Variants in UBQLN1 observed in about 807,000 individuals in gnomAD.
UBQLN1 encodes ubiquilin-1.
UBQLN1 carries 13 observed loss-of-function variants against 65.4 expected under a neutral mutation model. That is an observed-to-expected ratio of 0.20 (90% CI 0.13 to 0.32). The LOEUF (loss-of-function observed/expected upper bound fraction) is 0.32. Ranked by LOEUF, UBQLN1 falls within the 10% of genes least tolerant of loss-of-function variation. UBQLN1 has a pLI of 1.00. For missense variants in UBQLN1, 561 were observed against 724.0 expected, an observed-to-expected ratio of 0.77 and a Z score of 2.58; for synonymous variants, 267 against 247.8, an observed-to-expected ratio of 1.08 and a Z score of -0.73.
At chr9:83,693,784 G>C (rs954624406) in intron 1 of UBQLN1, among the ~76,000 whole-genome samples, 1 of 152,164 alleles carries the variant, frequency 6.6e-6, no homozygotes, top group Non-Finnish European at 1.5e-5. Flanking sequence ...TTAGGAAAGA[G>C]TATTTTTGAA....
intron 6 of UBQLN1, 99 bp from the exon 7 acceptor site, chr9:83,669,426 T>C: frequency 9.0e-7 from 1 of 1,114,978 alleles, no homozygotes; most frequent in Non-Finnish European, 1.2e-6. Flanking sequence ...TTTCACCAAG[T>C]ACAAATGATT....
intron 1 of UBQLN1, among the ~76,000 whole-genome samples, chr9:83,695,277 C>A (rs1832192109): frequency 6.7e-6 from 1 of 150,174 alleles, no homozygotes; most frequent in East Asian, 2.0e-4. Flanking sequence ...TGGCTCACTG[C>A]AACCTCCACC....
chr9:83,696,091 C>G (rs1439318540), intron 1 of UBQLN1, among the ~76,000 whole-genome samples: 2 of 152,206 alleles, frequency 1.3e-5, no homozygotes, highest in Non-Finnish European at 2.9e-5. Flanking sequence ...AGGTGCACAC[C>G]ACCACGCCCA....
At position 83,677,800 on chromosome 9, in the gene UBQLN1, G is replaced by T. The variant is rs1831863017; in HGVS notation, c.1032C>A (p.Gly344=). The change falls in exon 6 of 11, where the codon GGC becomes GGA. Residue 344 remains glycine, a synonymous_variant. Coordinates refer to ENST00000376395, the MANE Select transcript of UBQLN1 (RefSeq NM_013438.5). Reference sequence around the variant, plus strand: ...TGCCACTGGCAGTACTACCAGTAGTGCCACCCACAGTGCTGGCAGTGCCGC... The same window carrying T: ...TGCCACTGGCAGTACTACCAGTAGTTCCACCCACAGTGCTGGCAGTGCCGC... ...ASSGTASTVG[G]TTGSTASGTS... 1 of 1,614,120 alleles carries T rather than the reference G, an allele frequency of 6.2e-7. No homozygotes were observed. The highest frequency in any genetic ancestry group is 1.3e-5 in the African/African-American group (1 of 75,036).
intron 1 of UBQLN1, among the ~76,000 whole-genome samples, chr9:83,701,007 G>A (rs1832301058): frequency 6.6e-6 from 1 of 152,116 alleles, no homozygotes; most frequent in Non-Finnish European, 1.5e-5. Context: ...TTCTAGGCAA[G>A]AGGTAATGGC....
intron 1 of UBQLN1, among the ~76,000 whole-genome samples, chr9:83,700,800 C>G (rs1399520665): frequency 1.3e-5 from 2 of 152,170 alleles, no homozygotes; most frequent in Admixed American, 6.5e-5. Flanking sequence ...AAGAAGGCAT[C>G]TGCAAAAAAT....
intron 1 of UBQLN1, among the ~76,000 whole-genome samples, chr9:83,704,042 G>C (rs753081401): frequency 6.6e-6 from 1 of 152,082 alleles, no homozygotes; most frequent in Non-Finnish European, 1.5e-5. Flanking sequence ...TTAACTTATA[G>C]AAAACGGAAT....
At position 83,707,550 on chromosome 9, in the gene UBQLN1, G is replaced by C. The variant is rs1200695977; in HGVS notation, c.130C>G (p.Pro44Ala). The C allele has an allele frequency of 6.2e-7, 1 of 1,610,906 alleles. No individual in the cohort carries two copies. Among genetic ancestry groups the C allele is most frequent in the African/African-American group, 1.3e-5 (1 of 74,404 alleles). ...PKIMKVTVKT[P>A]KEKEEFAVPE... Reference sequence around the variant, plus strand: ...ACGGCGAATTCCTCCTTTTCCTTCGGGGTCTTCACGGTGACTTTCATGATT... The same window carrying C: ...ACGGCGAATTCCTCCTTTTCCTTCGCGGTCTTCACGGTGACTTTCATGATT... Residue 44 changes from proline (P) to alanine (A), a missense_variant, in exon 1 of 11, where the codon CCG (proline) becomes GCG (alanine). Transcript: ENST00000376395.
chr9:83,663,886 C>A lies in UBQLN1; in HGVS notation c.1606G>T (p.Val536Leu). Reference sequence around the variant, plus strand: ...AAAAGAACTGATACCTGAGGATTTACTCCAGCAAGAGCCTGCAGCATCTGC... The same window carrying A: ...AAAAGAACTGATACCTGAGGATTTAATCCAGCAAGAGCCTGCAGCATCTGC... Reference protein sequence around the residue: ...IQQMLQALAGVNPQLQNPEVR... With the variant: ...IQQMLQALAGLNPQLQNPEVR... The change falls in exon 10 of 11, where the codon GTA becomes TTA. Residue 536 changes from valine (V) to leucine (L), a missense_variant. Physicochemically the swap from Val to Leu is conservative, Grantham distance 32 (BLOSUM62 1). Transcript: ENST00000376395. 6.2e-7 allele frequency: 1 copy of A among 1,613,586 alleles called. No homozygotes were observed. The highest frequency in any genetic ancestry group is 8.5e-7 in the Non-Finnish European group (1 of 1,179,810).
intron 2 of UBQLN1, among the ~76,000 whole-genome samples, chr9:83,684,264 G>T (rs1184521435): frequency 1.3e-5 from 2 of 151,584 alleles, no homozygotes; most frequent in African/African-American, 4.8e-5. Context: ...GCATGATCTC[G>T]GCTCACTGTA....
chr9:83,692,619 G>A (rs537327664), intron 1 of UBQLN1, among the ~76,000 whole-genome samples: 19 of 152,292 alleles, frequency 1.2e-4, no homozygotes, highest in Non-Finnish European at 2.4e-4. Flanking sequence ...TTGGGAGGCC[G>A]AGGCAGGCGG....
At position 83,669,257 on chromosome 9, in the gene UBQLN1, T is replaced by C. The variant is rs773578078; in HGVS notation, c.1176A>G (p.Gln392=). 1 of 1,613,044 alleles carries C rather than the reference T, an allele frequency of 6.2e-7. No individual in the cohort carries two copies. The highest frequency in any genetic ancestry group is 8.5e-7 in the Non-Finnish European group (1 of 1,179,806). ...QQITENPQLM[Q]NMLSAPYMRS... is the part of the protein sequence containing the mutation. ...TCATGTAGGGGGCAGACAACATGTT[T>C]TGCATCAGTTGTGGGTTTTCAGTTA... The change falls in exon 7 of 11, where the codon CAA becomes CAG. Residue 392 remains glutamine, a synonymous_variant. Coordinates refer to ENST00000376395, the MANE Select transcript of UBQLN1 (RefSeq NM_013438.5).
intron 6 of UBQLN1, among the ~76,000 whole-genome samples, chr9:83,670,280 T>C (rs1831708937): frequency 6.6e-6 from 1 of 152,178 alleles, no homozygotes; most frequent in Non-Finnish European, 1.5e-5. Flanking sequence ...TATATCAGGC[T>C]TAAGACATCT....
At chr9:83,678,384 T>C (rs1295556474) in intron 5 of UBQLN1, 57 bp downstream of exon 5, 7 of 1,546,316 alleles carry the variant, frequency 4.5e-6, no homozygotes, top group Non-Finnish European at 6.1e-6. Flanking sequence ...ATCATACACA[T>C]ATTTGTGTTA....
intron 1 of UBQLN1, among the ~76,000 whole-genome samples, chr9:83,694,342 T>C (rs554790812): frequency 1.3e-3 from 198 of 151,256 alleles, no homozygotes; most frequent in African/African-American, 4.3e-3. Context: ...GAGTCTATTT[T>C]TGAATTAGCT....
At chr9:83,674,503 A>C (rs972712311) in intron 6 of UBQLN1, among the ~76,000 whole-genome samples, 3 of 152,222 alleles carry the variant, frequency 2.0e-5, no homozygotes, top group Admixed American at 2.0e-4. Context: ...ACCAAAGTTA[A>C]GTTTCCAAGT....
intron 10 of UBQLN1, among the ~76,000 whole-genome samples, chr9:83,662,293 C>T (rs1473288912): frequency 6.6e-6 from 1 of 151,650 alleles, no homozygotes; most frequent in Non-Finnish European, 1.5e-5. Flanking sequence ...CACACACACA[C>T]ACACACACAC....
intron 6 of UBQLN1, among the ~76,000 whole-genome samples, chr9:83,675,788 A>G (rs1831822149): frequency 6.6e-6 from 1 of 152,218 alleles, no homozygotes; most frequent in Admixed American, 6.5e-5. Context: ...AAGTCTCACT[A>G]CATATCAGTA....
intron 1 of UBQLN1, among the ~76,000 whole-genome samples, chr9:83,705,859 T>A (rs998511482): frequency 1.4e-5 from 2 of 143,680 alleles, no homozygotes; most frequent in Non-Finnish European, 3.1e-5. Flanking sequence ...CCCAGAAAAA[T>A]ACACACAGTA....
Sources: gnomAD v4.1 joint callset for allele counts (sites outside exome capture counted in the v4.1 genomes callset) on GRCh38, gnomAD v4.1.1 for gene constraint, MANE v1.5 for transcripts, NCBI Gene and HGNC (gene_info 2026-07-23, HGNC 2026-07-21) for gene names.